Variants in SPIDR observed in about 807,000 individuals in gnomAD.
SPIDR encodes the protein DNA repair-scaffolding protein.
A neutral mutation model predicts 104.6 loss-of-function variants in SPIDR; 93 were observed. The ratio of observed to expected loss-of-function variants is 0.89; its 90% CI spans 0.75 to 1.06. The LOEUF (loss-of-function observed/expected upper bound fraction) is 1.06. SPIDR is among the 50% of genes least tolerant of loss of function. SPIDR has a pLI of 0.00. For synonymous variants in SPIDR, 431 were observed against 416.9 expected (o/e 1.03, Z -0.41); for missense variants, 1,154 against 1,111.2 (o/e 1.04, Z -0.55).
chr8:47,730,234 C>A (rs2084979481), intron 19 of SPIDR, among the ~76,000 whole-genome samples: 1 of 152,142 alleles, frequency 6.6e-6, no homozygotes, highest in African/African-American at 2.4e-5. Flanking sequence ...CCAAGAAAAG[C>A]CACCTAAATA....
At chr8:47,268,931 C>T (rs2034663022) in intron 1 of SPIDR, among the ~76,000 whole-genome samples, 2 of 152,120 alleles carry the variant, frequency 1.3e-5, no homozygotes, top group Admixed American at 6.5e-5. Flanking sequence ...CTTTGGGAGG[C>T]TGAGGCGGGT....
At chr8:47,603,728 C>T (rs2062596618) in intron 10 of SPIDR, among the ~76,000 whole-genome samples, 1 of 152,122 alleles carries the variant, frequency 6.6e-6, no homozygotes, top group African/African-American at 2.4e-5. Context: ...TTTAGAGATG[C>T]AAATTCTTTC....
At chr8:47,510,991 G>A (rs1472840360) in intron 8 of SPIDR, 4 of 683,296 alleles carry the variant, frequency 5.9e-6, no homozygotes, top group South Asian at 4.9e-5. Flanking sequence ...GCCACTGGCT[G>A]TGAGAAACAC....
chr8:47,586,060 C>G (rs1233299898), intron 8 of SPIDR, among the ~76,000 whole-genome samples: 1 of 152,112 alleles, frequency 6.6e-6, no homozygotes. Context: ...TTGTCTGTAT[C>G]AATAGTCTGT....
At chr8:47,514,527 A>G (rs888863074) in intron 8 of SPIDR, among the ~76,000 whole-genome samples, 1 of 152,210 alleles carries the variant, frequency 6.6e-6, no homozygotes, top group Non-Finnish European at 1.5e-5. Context: ...ACTATGGTAG[A>G]AATCTAAAGA....
chr8:47,433,342 T>G (rs1170797149), intron 7 of SPIDR, among the ~76,000 whole-genome samples: 1 of 152,188 alleles, frequency 6.6e-6, no homozygotes, highest in African/African-American at 2.4e-5. Context: ...GCTCATCATT[T>G]GACTTCCCTG....
chr8:47,652,091 T>G (rs1588846645), intron 10 of SPIDR, among the ~76,000 whole-genome samples: 1 of 152,238 alleles, frequency 6.6e-6, no homozygotes, highest in East Asian at 1.9e-4. Flanking sequence ...CAAAAATCGC[T>G]TGTACCCCCA....
intron 8 of SPIDR, among the ~76,000 whole-genome samples, chr8:47,579,341 A>G (rs116511029): frequency 0.026 from 4,033 of 152,240 alleles, 289 homozygotes; most frequent in Admixed American, 0.15. Context: ...CTAGAATGTG[A>G]TTTATTGTCT....
chr8:47,617,983 C>T (rs2064570287), intron 10 of SPIDR, among the ~76,000 whole-genome samples: 1 of 152,188 alleles, frequency 6.6e-6, no homozygotes, highest in African/African-American at 2.4e-5. Flanking sequence ...CAAGACTTGC[C>T]ACAGCTTTGG....
intron 7 of SPIDR, among the ~76,000 whole-genome samples, chr8:47,435,186 TG>T (rs1209576576): frequency 6.6e-6 from 1 of 151,988 alleles, no homozygotes; most frequent in Non-Finnish European, 1.5e-5. Context: ...TTTGTAAAGC[TG>T]GGGGGTCTCA....
chr8:47,349,448 G>A (rs1194756392), intron 5 of SPIDR, among the ~76,000 whole-genome samples: 1 of 152,218 alleles, frequency 6.6e-6, no homozygotes, highest in Non-Finnish European at 1.5e-5. Context: ...AGGAGGCAGT[G>A]TGTCTGTTCT....
chr8:47,396,266 T>C (rs1179547160), intron 5 of SPIDR, 110 bp from the exon 6 acceptor site: 23 of 965,192 alleles, frequency 2.4e-5, no homozygotes, highest in Non-Finnish European at 3.3e-5. Flanking sequence ...AAAAAGGTCC[T>C]TCAAGAGCTG....
chr8:47,293,037 G>A (rs1372422686), intron 4 of SPIDR, among the ~76,000 whole-genome samples: 1 of 151,932 alleles, frequency 6.6e-6, no homozygotes, highest in African/African-American at 2.4e-5. Flanking sequence ...CCTGGCTTCC[G>A]TGACTAAATT....
chr8:47,293,221 G>A (rs2040249606), intron 4 of SPIDR, among the ~76,000 whole-genome samples: 1 of 151,500 alleles, frequency 6.6e-6, no homozygotes, highest in Non-Finnish European at 1.5e-5. Flanking sequence ...CAAACTCCTG[G>A]GCTCGAGCGA....
chr8:47,518,209 C>A (rs1000671201), intron 8 of SPIDR, among the ~76,000 whole-genome samples: 3 of 152,224 alleles, frequency 2.0e-5, no homozygotes, highest in Non-Finnish European at 4.4e-5. Flanking sequence ...TCCACTTTCA[C>A]CTCATGCTAG....
At chr8:47,380,399 C>T (rs1486231380) in intron 5 of SPIDR, among the ~76,000 whole-genome samples, 5 of 152,126 alleles carry the variant, frequency 3.3e-5, no homozygotes, top group Admixed American at 6.5e-5. Context: ...AGACAAGGTG[C>T]GTCAGGACCT....
chr8:47,283,702 A>G (rs919664488), intron 2 of SPIDR, among the ~76,000 whole-genome samples: 9 of 152,238 alleles, frequency 5.9e-5, no homozygotes, highest in Non-Finnish European at 1.3e-4. Context: ...TTACAGAGTA[A>G]TGCTATTACA....
intron 3 of SPIDR, among the ~76,000 whole-genome samples, chr8:47,285,947 C>T (rs2038760840): frequency 6.6e-6 from 1 of 152,108 alleles, no homozygotes; most frequent in Non-Finnish European, 1.5e-5. Flanking sequence ...TGGAATGAGC[C>T]TTGATATCAA....
At chr8:47,345,571 G>T (rs948159887) in intron 5 of SPIDR, among the ~76,000 whole-genome samples, 3 of 152,094 alleles carry the variant, frequency 2.0e-5, no homozygotes, top group Non-Finnish European at 4.4e-5. Context: ...CCATTTTTAC[G>T]ATACTGATTC....
Sources: gnomAD v4.1 joint callset for allele counts (sites outside exome capture counted in the v4.1 genomes callset) on GRCh38, gnomAD v4.1.1 for gene constraint, MANE v1.5 for transcripts, NCBI Gene and HGNC (gene_info 2026-07-23, HGNC 2026-07-21) for gene names.